The following SPAG16 variants were observed in gnomAD, a reference collection of about 807,000 sequenced individuals.
SPAG16 encodes the protein sperm-associated antigen 16 protein.
In SPAG16, 86 loss-of-function variants were observed where a neutral mutation model predicts 80.4. That is an observed-to-expected ratio of 1.07 (90% CI 0.90 to 1.28). The LOEUF is 1.28. SPAG16 is among the 50% of genes most tolerant of loss of function. SPAG16 has a pLI of 0.00. For missense variants in SPAG16, 870 were observed against 765.3 expected (o/e 1.14, Z -1.61); for synonymous variants, 294 against 265.9 (o/e 1.11, Z -1.03).
chr2:214,207,793 G>A (rs535500350), intron 15 of SPAG16, among the ~76,000 whole-genome samples: 6 of 152,188 alleles, frequency 3.9e-5, no homozygotes, highest in East Asian at 1.9e-4. Context: ...CTAGAACAAA[G>A]CAGAGAAGAA....
At chr2:214,191,649 G>A (rs1313272942) in intron 15 of SPAG16, among the ~76,000 whole-genome samples, 1 of 147,016 alleles carries the variant, frequency 6.8e-6, no homozygotes, top group African/African-American at 2.5e-5. Flanking sequence ...GGGAGGCGAA[G>A]GTTGCAGTGA....
At chr2:213,462,590 T>G in intron 9 of SPAG16, among the ~76,000 whole-genome samples, 1 of 152,160 alleles carries the variant, frequency 6.6e-6, no homozygotes, top group East Asian at 1.9e-4. Context: ...CCCCATGCTG[T>G]TCTCTTAATA....
At chr2:213,702,479 G>A (rs1305163888) in intron 10 of SPAG16, among the ~76,000 whole-genome samples, 1 of 152,022 alleles carries the variant, frequency 6.6e-6, no homozygotes, top group African/African-American at 2.4e-5. Context: ...TCACCAAAAG[G>A]AACAAACAAC....
At chr2:213,983,474 A>G (rs776638573) in intron 12 of SPAG16, among the ~76,000 whole-genome samples, 1 of 151,950 alleles carries the variant, frequency 6.6e-6, no homozygotes, top group Non-Finnish European at 1.5e-5. Flanking sequence ...AAATGTCATA[A>G]TTTATTATAA....
At chr2:213,771,396 G>A (rs1480126222) in intron 10 of SPAG16, among the ~76,000 whole-genome samples, 1 of 152,034 alleles carries the variant, frequency 6.6e-6, no homozygotes, top group Admixed American at 6.6e-5. Context: ...CTCCTATTCT[G>A]TAGGTTGTCT....
chr2:213,789,838 T>A (rs1335410851), intron 10 of SPAG16, among the ~76,000 whole-genome samples: 1 of 151,982 alleles, frequency 6.6e-6, no homozygotes, highest in Non-Finnish European at 1.5e-5. Flanking sequence ...AAATTCTTTT[T>A]AAAGCAGGGA....
intron 10 of SPAG16, among the ~76,000 whole-genome samples, chr2:213,805,507 G>A (rs1395445021): frequency 6.6e-6 from 1 of 152,148 alleles, no homozygotes; most frequent in African/African-American, 2.4e-5. Flanking sequence ...TAAGATACAG[G>A]GAAGTACCTT....
At chr2:213,981,866 G>A (rs975827759) in intron 12 of SPAG16, among the ~76,000 whole-genome samples, 9 of 149,268 alleles carry the variant, frequency 6.0e-5, no homozygotes, top group Admixed American at 1.3e-4. Context: ...TTTAAAGTCC[G>A]AATTTAATTC....
At chr2:214,266,149 A>G (rs1341574864) in intron 15 of SPAG16, among the ~76,000 whole-genome samples, 1 of 151,908 alleles carries the variant, frequency 6.6e-6, no homozygotes, top group Non-Finnish European at 1.5e-5. Context: ...CTTATCTATG[A>G]GTGTCTTTGT....
At chr2:213,713,822 A>T (rs1054578630) in intron 10 of SPAG16, among the ~76,000 whole-genome samples, 6 of 152,226 alleles carry the variant, frequency 3.9e-5, no homozygotes, top group Non-Finnish European at 7.3e-5. Context: ...GTAGCTTGAA[A>T]AGCAATGAAC....
intron 15 of SPAG16, among the ~76,000 whole-genome samples, chr2:214,251,737 A>C (rs1052843770): frequency 6.6e-6 from 1 of 152,146 alleles, no homozygotes; most frequent in Non-Finnish European, 1.5e-5. Context: ...GCTTTGATTC[A>C]CTGCCTCAGA....
Position 213,347,817 on chromosome 2 carries a change from G to T in SPAG16, c.645-2711G>T, listed in dbSNP as rs112012046. 5.3e-4 allele frequency among the ~76,000 whole-genome samples: 81 copies of T among 152,222 alleles called. 1 individual carries two copies. Among genetic ancestry groups the T allele is most frequent in the African/African-American group, 1.8e-3 (74 of 41,546 alleles). On this transcript the variant is annotated intron_variant, in intron 6 of 15. Coordinates refer to ENST00000331683, the MANE Select transcript of SPAG16 (RefSeq NM_024532.5). The stretch of plus-strand genomic sequence containing the variant: ...TGCTTTACTTCCAACTGTGTGGTCA[G>T]TTTTGGAATAAGTACGGTGTGGTGC...
At chr2:214,087,804 A>G (rs954574974) in intron 13 of SPAG16, among the ~76,000 whole-genome samples, 3 of 152,136 alleles carry the variant, frequency 2.0e-5, no homozygotes, top group African/African-American at 7.2e-5. Flanking sequence ...ACAAAAAAAT[A>G]TCTAGACAAA....
chr2:213,898,897 C>A (rs1174965256), intron 11 of SPAG16, among the ~76,000 whole-genome samples: 2 of 151,954 alleles, frequency 1.3e-5, no homozygotes, highest in Non-Finnish European at 2.9e-5. Flanking sequence ...AAAATAGTAT[C>A]TCTCATGGAA....
intron 10 of SPAG16, among the ~76,000 whole-genome samples, chr2:213,674,284 A>G (rs545048159): frequency 9.2e-5 from 14 of 151,950 alleles, no homozygotes; most frequent in African/African-American, 3.4e-4. Context: ...TTCTTTTGGG[A>G]TTAGACTTTG....
intron 14 of SPAG16, among the ~76,000 whole-genome samples, chr2:214,122,598 T>A (rs938655244): frequency 2.6e-5 from 4 of 151,842 alleles, no homozygotes; most frequent in African/African-American, 9.7e-5. Context: ...CAAACAACAA[T>A]TAGGTCATAC....
chr2:214,247,899 G>T (rs1689964869), intron 15 of SPAG16, among the ~76,000 whole-genome samples: 1 of 151,918 alleles, frequency 6.6e-6, no homozygotes, highest in African/African-American at 2.4e-5. Context: ...ACGGTGGTAT[G>T]CACCTATAAT....
chr2:213,813,550 G>T (rs1290349366), intron 10 of SPAG16, among the ~76,000 whole-genome samples: 1 of 152,128 alleles, frequency 6.6e-6, no homozygotes, highest in Non-Finnish European at 1.5e-5. Flanking sequence ...AGGACAGGAA[G>T]CACTCCTGTG....
In SPAG16 at chr2:214,268,754, T is replaced by A. The variant is rs538880906; in HGVS notation, c.1720+119488T>A. On this transcript the variant is annotated intron_variant, in intron 15 of 15. Coordinates refer to ENST00000331683, the MANE Select transcript of SPAG16 (RefSeq NM_024532.5). ...AGCAAGCATCTGAAGGGTGTGTGTG[T>A]GTGTGTGGGTGTGTATGTATGTATT... Among the ~76,000 whole-genome samples the A allele has an allele frequency of 1.5e-4, 23 of 151,816 alleles. No homozygotes were observed. In the South Asian group the frequency reaches 4.8e-3, roughly 32 times the overall value.
Sources: allele counts gnomAD v4.1 joint callset (sites outside exome capture counted in the v4.1 genomes callset), GRCh38; gene constraint gnomAD v4.1.1; transcripts MANE v1.5; gene names NCBI Gene and HGNC (gene_info 2026-07-23, HGNC 2026-07-21).